Variants in PDGFD observed in about 807,000 individuals in gnomAD.
PDGFD encodes the protein platelet-derived growth factor D.
PDGFD carries 30 observed loss-of-function variants against 44.7 expected under a neutral mutation model. The ratio of observed to expected loss-of-function variants is 0.67; its 90% CI spans 0.50 to 0.91. The LOEUF is 0.91. PDGFD is among the 40% of genes least tolerant of loss of function. The pLI is 0.00. For synonymous variants in PDGFD, 173 were observed against 168.4 expected (o/e 1.03, Z -0.21); for missense variants, 445 against 457.8 (o/e 0.97, Z 0.25).
At chr11:104,032,450 A>T (rs1214311804) in intron 1 of PDGFD, among the ~76,000 whole-genome samples, 1 of 152,176 alleles carries the variant, frequency 6.6e-6, no homozygotes, top group African/African-American at 2.4e-5. Flanking sequence ...GCACATACTT[A>T]AAGGAAGAAA....
chr11:103,925,740 A>G (rs560885791), intron 6 of PDGFD, among the ~76,000 whole-genome samples: 1,195 of 113,980 alleles, frequency 0.01, 20 homozygotes, highest in African/African-American at 0.041. Context: ...TATATATGTA[A>G]TTTTTTTTTT....
intron 3 of PDGFD, among the ~76,000 whole-genome samples, chr11:103,987,053 C>A (rs1859377116): frequency 8.0e-6 from 1 of 125,172 alleles, no homozygotes; most frequent in South Asian, 3.2e-4. Context: ...AATCAGCACT[C>A]CCCACTTTCC....
chr11:104,156,497 C>T (rs1253342513), intron 1 of PDGFD, among the ~76,000 whole-genome samples: 6 of 152,086 alleles, frequency 3.9e-5, no homozygotes, highest in African/African-American at 1.2e-4. Context: ...AAAAAGTGCT[C>T]AAGGAAAAAA....
At chr11:103,921,710 C>T (rs1858224804) in intron 6 of PDGFD, among the ~76,000 whole-genome samples, 2 of 150,712 alleles carry the variant, frequency 1.3e-5, no homozygotes, top group Non-Finnish European at 3.0e-5. Context: ...ATGTTTAATA[C>T]AAAATTCTAC....
intron 1 of PDGFD, among the ~76,000 whole-genome samples, chr11:104,105,970 A>C (rs1037911003): frequency 6.6e-6 from 1 of 152,174 alleles, no homozygotes. Context: ...GAAATCCAGA[A>C]TGGCATGTGT....
At chr11:103,949,170 T>C (rs959034978) in intron 3 of PDGFD, among the ~76,000 whole-genome samples, 5 of 151,914 alleles carry the variant, frequency 3.3e-5, no homozygotes, top group Non-Finnish European at 7.4e-5. Context: ...ACCCAGCTAA[T>C]TTTTGTATTT....
At position 104,087,021 on chromosome 11, in the gene PDGFD, C is replaced by CTTTTTT. The variant is rs528848924; in HGVS notation, c.124+76777_124+76782dup. Among the ~76,000 whole-genome samples the CTTTTTT allele has an allele frequency of 4.6e-4, 47 of 103,204 alleles. 1 individual carries two copies. Among genetic ancestry groups the CTTTTTT allele is most frequent in the Non-Finnish European group, 6.5e-4 (35 of 53,632 alleles). The allele number at this position is 103,204 out of a possible 152,430, so 67.7% of individuals were successfully genotyped here. A position where few individuals can be genotyped will look rare whatever the true frequency, so the allele number is the denominator to read the frequency against. On this transcript the variant is annotated intron_variant, in intron 1 of 6. Transcript: ENST00000393158. ...TCCCTCTTGTACCTAGGCTCTTAGT[C>CTTTTTT]TTTTTTTTTTTTTTTTTTTTTTTTT...
chr11:103,925,716 C>CATACAT (rs1555033945), intron 6 of PDGFD, among the ~76,000 whole-genome samples: 2 of 122,758 alleles, frequency 1.6e-5, no homozygotes, highest in African/African-American at 6.4e-5. Context: ...CACACACACA[C>CATACAT]ATATATATAT....
At chr11:104,060,150 T>A (rs1283994913) in intron 1 of PDGFD, among the ~76,000 whole-genome samples, 1 of 152,224 alleles carries the variant, frequency 6.6e-6, no homozygotes, top group Admixed American at 6.5e-5. Context: ...ACATTCACTA[T>A]TACAGCAGCA....
At chr11:104,093,383 T>C (rs1861238447) in intron 1 of PDGFD, among the ~76,000 whole-genome samples, 1 of 151,914 alleles carries the variant, frequency 6.6e-6, no homozygotes, top group South Asian at 2.1e-4. Flanking sequence ...AAAGACACAT[T>C]TTCCCCAGCT....
In PDGFD at chr11:104,029,289, T is replaced by C. The variant is rs150220083; in HGVS notation, c.125-29034A>G. Among the ~76,000 whole-genome samples the C allele has an allele frequency of 1.2e-3, 184 of 152,324 alleles. 1 individual carries two copies. Among genetic ancestry groups the C allele is most frequent in the Non-Finnish European group, 2.0e-3 (136 of 68,018 alleles). ...CTAAATTTAATTTTTCTGAGAAAAA[T>C]AGGTGAGTTGATTTATCTTTTATTT... On this transcript the variant is annotated intron_variant, in intron 1 of 6. Transcript: ENST00000393158.
At chr11:104,088,008 G>A (rs1861159287) in intron 1 of PDGFD, among the ~76,000 whole-genome samples, 1 of 152,160 alleles carries the variant, frequency 6.6e-6, no homozygotes. Flanking sequence ...CCATTTGAAG[G>A]AAGCTGAAGG....
Position 104,153,560 on chromosome 11 carries a change from T to C in PDGFD, c.124+10244A>G, listed in dbSNP as rs530035067. Among the ~76,000 whole-genome samples the C allele has an allele frequency of 1.2e-4, 19 of 152,236 alleles. No individual in the cohort carries two copies. In the South Asian group the frequency reaches 3.1e-3, roughly 25 times the overall value. On this transcript the variant is annotated intron_variant, in intron 1 of 6. Coordinates refer to ENST00000393158, the MANE Select transcript of PDGFD (RefSeq NM_025208.5). ...CAATTCCTCTATCTAAAATGTGATA[T>C]AGGATCTTTACATTGACTCAACAGT...
At chr11:103,913,885 A>C (rs142908567) in intron 6 of PDGFD, among the ~76,000 whole-genome samples, 2,207 of 152,368 alleles carry the variant, frequency 0.014, 48 homozygotes, top group African/African-American at 0.05. Flanking sequence ...ATGCAAATAA[A>C]CTAGAAAATC....
At chr11:103,995,207 C>T (rs1478724645) in intron 3 of PDGFD, among the ~76,000 whole-genome samples, 2 of 152,070 alleles carry the variant, frequency 1.3e-5, no homozygotes, top group African/African-American at 4.8e-5. Context: ...TTTTTGGCAT[C>T]TCTACCCGAC....
chr11:104,091,570 C>T (rs1054317240), intron 1 of PDGFD, among the ~76,000 whole-genome samples: 2 of 152,194 alleles, frequency 1.3e-5, no homozygotes, highest in African/African-American at 2.4e-5. Context: ...CAGGGAAAGG[C>T]TGACAAGCTG....
intron 3 of PDGFD, among the ~76,000 whole-genome samples, chr11:103,973,388 C>G (rs1205491257): frequency 6.6e-6 from 1 of 151,402 alleles, no homozygotes; most frequent in Non-Finnish European, 1.5e-5. Flanking sequence ...ACCTCAAGAT[C>G]TGCCCGTCTT....
intron 5 of PDGFD, among the ~76,000 whole-genome samples, chr11:103,936,409 T>A (rs929330532): frequency 6.6e-6 from 1 of 152,194 alleles, no homozygotes; most frequent in Non-Finnish European, 1.5e-5. Context: ...TTTTGAAAAA[T>A]CAAAACTTGT....
intron 1 of PDGFD, among the ~76,000 whole-genome samples, chr11:104,098,580 A>G (rs1027016295): frequency 6.6e-6 from 1 of 151,372 alleles, no homozygotes; most frequent in African/African-American, 2.4e-5. Flanking sequence ...TTATGGCACA[A>G]TGCATGCAGC....
Sources: gnomAD v4.1 joint callset for allele counts (sites outside exome capture counted in the v4.1 genomes callset) on GRCh38, gnomAD v4.1.1 for gene constraint, MANE v1.5 for transcripts, NCBI Gene and HGNC (gene_info 2026-07-23, HGNC 2026-07-21) for gene names.